Variants in LRRC49 observed in about 807,000 individuals in gnomAD.
The protein encoded by LRRC49 is leucine-rich repeat-containing protein 49.
A neutral mutation model predicts 83.3 loss-of-function variants in LRRC49; 50 were observed. The observed-to-expected ratio is 0.60, with a 90% confidence interval of 0.48 to 0.76. LRRC49 has a LOEUF of 0.76. LRRC49 is among the 30% of genes least tolerant of loss of function. The pLI is 0.00. For missense variants in LRRC49, 704 were observed against 809.1 expected (o/e 0.87, Z 1.58); for synonymous variants, 286 against 283.3 (o/e 1.01, Z -0.10).
chr15:71,019,345 C>A (rs1204178232), intron 14 of LRRC49, among the ~76,000 whole-genome samples: 1 of 152,174 alleles, frequency 6.6e-6, no homozygotes, highest in Admixed American at 6.5e-5. Flanking sequence ...ATTCTCGTTA[C>A]TCTTGCAATT....
chr15:70,899,944 G>A (rs1020667552), intron 3 of LRRC49, among the ~76,000 whole-genome samples: 4 of 152,010 alleles, frequency 2.6e-5, no homozygotes, highest in African/African-American at 7.3e-5. Context: ...AAACTGTCAC[G>A]TTTGACCCAT....
intron 14 of LRRC49, among the ~76,000 whole-genome samples, chr15:71,022,691 A>G (rs188985194): frequency 5.6e-4 from 85 of 152,356 alleles, no homozygotes; most frequent in African/African-American, 1.8e-3. Context: ...TTAAAAATGT[A>G]TAACCCCAAA....
At chr15:70,972,261 A>G (rs1484289641) in intron 9 of LRRC49, among the ~76,000 whole-genome samples, 1 of 152,214 alleles carries the variant, frequency 6.6e-6, no homozygotes, top group Non-Finnish European at 1.5e-5. Context: ...TTGGCTGGAT[A>G]TGAAATTCTG....
Position 70,919,142 on chromosome 15 carries a change from G to A in LRRC49, c.660G>A (p.Gly220=), listed in dbSNP as rs1353760890. The A allele has an allele frequency of 6.2e-7, 1 of 1,612,906 alleles. No individual in the cohort carries two copies. Among genetic ancestry groups the A allele is most frequent in the Admixed American group, 1.7e-5 (1 of 59,932 alleles). The change falls in exon 7 of 16, where the codon GGG becomes GGA. Residue 220 remains glycine, a synonymous_variant. Transcript: ENST00000260382. ...TAAGTCATGTTGATAATCTTAATGG[G>A]CTGGATTCACTAACTGAACTTAACT... ...NFLSHVDNLN[G]LDSLTELNLR... is the part of the protein sequence containing the mutation.
At chr15:71,002,313 G>A (rs1480275267) in intron 11 of LRRC49, among the ~76,000 whole-genome samples, 2 of 120,356 alleles carry the variant, frequency 1.7e-5, no homozygotes, top group Non-Finnish European at 3.7e-5. Flanking sequence ...TTTGGCTTAT[G>A]GGGGGGGCGT....
chr15:70,872,430 G>A (rs922465629), intron 1 of LRRC49, among the ~76,000 whole-genome samples: 6 of 150,994 alleles, frequency 4.0e-5, no homozygotes, highest in African/African-American at 1.2e-4. Flanking sequence ...GGAGGAGGGG[G>A]AGGGCGAGGG....
upstream of LRRC49, among the ~76,000 whole-genome samples, chr15:70,888,806 G>A (rs1317502355): frequency 6.6e-6 from 1 of 152,048 alleles, no homozygotes; most frequent in Non-Finnish European, 1.5e-5. Context: ...ATTTAAAAGG[G>A]CATGTCACTG....
chr15:70,972,872 G>A (rs1270028918), intron 9 of LRRC49, among the ~76,000 whole-genome samples: 1 of 151,938 alleles, frequency 6.6e-6, no homozygotes, highest in Non-Finnish European at 1.5e-5. Flanking sequence ...GGTTATTCTT[G>A]TTAGCAGTTC....
Position 70,910,856 on chromosome 15 carries a change from A to G in LRRC49, c.501-676A>G, listed in dbSNP as rs562241242. ...TTAAAGCTCACATTTTGATTTGGCA[A>G]GAGAGATTTTTTAAAAATATAAACA... On this transcript the variant is annotated intron_variant, in intron 5 of 15. Coordinates refer to ENST00000260382, the MANE Select transcript of LRRC49 (RefSeq NM_017691.5). Among the ~76,000 whole-genome samples the G allele has an allele frequency of 2.6e-5, 4 of 152,332 alleles. No individual in the cohort carries two copies. In the South Asian group the frequency reaches 8.3e-4, roughly 32 times the overall value.
intron 2 of LRRC49, among the ~76,000 whole-genome samples, chr15:70,883,800 G>C (rs575729382): frequency 3.6e-4 from 54 of 151,942 alleles, no homozygotes; most frequent in Middle Eastern, 3.4e-3. Flanking sequence ...GATTACAGGT[G>C]CCTGCCACCA....
chr15:70,980,116 A>G lies in LRRC49; in HGVS notation c.937A>G (p.Met313Val), dbSNP rs1232173177. The change falls in exon 10 of 16, where the codon ATG (methionine) becomes GTG (valine). Residue 313 changes from methionine to valine, a missense_variant. By Grantham distance (21) the Met-to-Val change is conservative. Around this residue, in one of 3 missense-constraint regions of LRRC49, gnomAD observed 168 missense variants for 140.6 expected, o/e 1.20. Coordinates refer to ENST00000260382, the MANE Select transcript of LRRC49 (RefSeq NM_017691.5). ...TGTCTTTTAGGAAGAAGAAAGGCGT[A>G]TGGCATCTGTTTTAGCCAAAAAAGA... ...MKRITEEERR[M>V]ASVLAKKEEE... is the part of the protein sequence containing the mutation. 3 of 1,609,788 alleles carry G rather than the reference A, an allele frequency of 1.9e-6. No individual in the cohort carries two copies. The highest frequency in any genetic ancestry group is 2.2e-5 in the East Asian group (1 of 44,804).
intron 13 of LRRC49, among the ~76,000 whole-genome samples, chr15:71,011,739 G>A (rs1236321685): frequency 6.6e-6 from 1 of 152,126 alleles, no homozygotes; most frequent in Non-Finnish European, 1.5e-5. Context: ...ATTAGCTAAG[G>A]AAGAATTTGA....
At chr15:71,009,275 A>T (rs935279426) in intron 12 of LRRC49, among the ~76,000 whole-genome samples, 1 of 151,892 alleles carries the variant, frequency 6.6e-6, no homozygotes, top group African/African-American at 2.4e-5. Flanking sequence ...ATCTAGATTC[A>T]CAGACAGAAT....
intron 6 of LRRC49, chr15:70,918,533 ATCTTC>A (rs2034881036): frequency 6.6e-6 from 1 of 152,248 alleles, no homozygotes; most frequent in African/African-American, 2.4e-5. Flanking sequence ...AATTAACCTC[ATCTTC>A]TACTGGGAAT....
At chr15:70,907,057 G>A (rs1345119427) in intron 5 of LRRC49, among the ~76,000 whole-genome samples, 1 of 152,208 alleles carries the variant, frequency 6.6e-6, no homozygotes, top group African/African-American at 2.4e-5. Flanking sequence ...AGCTGACTTT[G>A]TCACAGCAAG....
intron 11 of LRRC49, among the ~76,000 whole-genome samples, chr15:70,988,610 T>G (rs942945815): frequency 4.0e-5 from 6 of 151,480 alleles, no homozygotes; most frequent in Non-Finnish European, 5.9e-5. Flanking sequence ...TCTGTGTCTT[T>G]TAATTGGAGC....
At chr15:70,859,719 C>A in intron 1 of LRRC49, 1 of 691,242 alleles carries the variant, frequency 1.4e-6, no homozygotes. Flanking sequence ...GCCACCATCG[C>A]AGATGTGGAG....
At chr15:71,009,249 A>G (rs1399256338) in intron 12 of LRRC49, among the ~76,000 whole-genome samples, 1 of 151,874 alleles carries the variant, frequency 6.6e-6, no homozygotes, top group Admixed American at 6.6e-5. Flanking sequence ...TGAAGACAGT[A>G]TGTTTAGAAA....
intron 1 of LRRC49, 70 bp from the exon 2 acceptor site, chr15:70,893,514 C>CT (rs3840844): frequency 0.016 from 12,915 of 786,078 alleles, 5 homozygotes; most frequent in Non-Finnish European, 0.018. Context: ...CTGTTTGTAC[C>CT]TTTTTTTTTT....
Sources: allele counts gnomAD v4.1 joint callset (sites outside exome capture counted in the v4.1 genomes callset), GRCh38; gene constraint gnomAD v4.1.1; regional missense constraint gnomAD v4.1.1; transcripts MANE v1.5; gene names NCBI Gene and HGNC (gene_info 2026-07-23, HGNC 2026-07-21).